Variants in PARP12 observed in about 807,000 individuals in gnomAD.
The protein encoded by PARP12 is poly(ADP-ribose) polymerase family member 12, also known as protein mono-ADP-ribosyltransferase PARP12.
A neutral mutation model predicts 72.4 loss-of-function variants in PARP12; 59 were observed. The ratio of observed to expected loss-of-function variants is 0.81; its 90% CI spans 0.66 to 1.01. The LOEUF (loss-of-function observed/expected upper bound fraction) is 1.01. Ranked by LOEUF, PARP12 falls within the 50% of genes least tolerant of loss-of-function variation. The pLI is 0.00. For synonymous variants in PARP12, 403 were observed against 371.4 expected (o/e 1.09, Z -0.98); for missense variants, 851 against 914.0 (o/e 0.93, Z 0.89).
At position 140,056,925 on chromosome 7, in the gene PARP12, G is replaced by T. The variant is rs1817207918; in HGVS notation, c.691C>A (p.His231Asn). The change falls in exon 3 of 12, where the codon CAT becomes AAT. Residue 231 changes from histidine to asparagine, a missense_variant. By Grantham distance (68) the His-to-Asn change is moderately conservative. Coordinates refer to ENST00000263549, the MANE Select transcript of PARP12 (RefSeq NM_022750.4). ...SRLPTIYRNAHDIKNKSSAPS... is the reference protein window; with the variant it reads ...SRLPTIYRNANDIKNKSSAPS... ...GCAGAGCTCTTATTCTTGATGTCATGTGCATTTCTATAAATGGTAGGCAGC... is the reference window on the plus strand; with the variant it reads ...GCAGAGCTCTTATTCTTGATGTCATTTGCATTTCTATAAATGGTAGGCAGC... 6.2e-7 allele frequency: 1 copy of T among 1,613,846 alleles called. No individual in the cohort carries two copies. The highest frequency in any genetic ancestry group is 8.5e-7 in the Non-Finnish European group (1 of 1,180,024).
In PARP12 at chr7:140,057,000, T is replaced by A. The variant is rs767387799; in HGVS notation, c.616A>T (p.Asn206Tyr). The part of the protein sequence containing the change: ...KRSHDFSNSE[N>Y]LEKLEKLGMS... ...CCCAACTTCTCCAATTTTTCCAGAT[T>A]CTCAGAATTAGAGAAATCATGGGAT... The change falls in exon 3 of 12, where the codon AAT becomes TAT. Residue 206 changes from asparagine to tyrosine, a missense_variant. Asn to Tyr is a moderately radical substitution (Grantham distance 143, BLOSUM62 -2). Coordinates refer to ENST00000263549, the MANE Select transcript of PARP12 (RefSeq NM_022750.4). 5 of 1,614,090 alleles carry A rather than the reference T, an allele frequency of 3.1e-6. No individual in the cohort carries two copies. The highest frequency in any genetic ancestry group is 4.2e-6 in the Non-Finnish European group (5 of 1,180,046).
At position 140,057,009 on chromosome 7, in the gene PARP12, T is replaced by C. The variant is rs1419548159; in HGVS notation, c.607A>G (p.Asn203Asp). The C allele has an allele frequency of 3.1e-6, 5 of 1,614,184 alleles. No homozygotes were observed. The South Asian group carries it at 4.4e-5, about 14-fold the overall frequency. The change falls in exon 3 of 12, where the codon AAT becomes GAT. Residue 203 changes from asparagine to aspartate, a missense_variant. By Grantham distance (23) the Asn-to-Asp change is conservative. Coordinates refer to ENST00000263549, the MANE Select transcript of PARP12 (RefSeq NM_022750.4). ...TCCAATTTTTCCAGATTCTCAGAATTAGAGAAATCATGGGATCTCTTACAG... is the reference window on the plus strand; with the variant it reads ...TCCAATTTTTCCAGATTCTCAGAATCAGAGAAATCATGGGATCTCTTACAG... ...TSCKRSHDFS[N>D]SENLEKLEKL...
intron 7 of PARP12, among the ~76,000 whole-genome samples, chr7:140,036,178 T>C (rs1016753947): frequency 1.3e-5 from 2 of 152,236 alleles, no homozygotes; most frequent in Non-Finnish European, 2.9e-5. Context: ...ATTATGAGGT[T>C]CTGTTATGTC....
chr7:140,027,440 T>A, intron 9 of PARP12, 34 bp from the exon 10 acceptor site: 1 of 1,609,992 alleles, frequency 6.2e-7, no homozygotes, highest in Non-Finnish European at 8.5e-7. Flanking sequence ...TGCATTACCA[T>A]CAACGTGCAG....
In PARP12 at chr7:140,062,865, C is replaced by T. The variant is rs2116698386; in HGVS notation, c.-18G>A. ...TGGGCCATGGCCGCTGGGCCTGCTC[C>T]CGTCGGACCGCGGGTGGCGCGACGC... is the stretch of plus-strand genomic sequence containing the variant. On this transcript the variant is annotated 5_prime_UTR_variant, in exon 1 of 12. Coordinates refer to ENST00000263549, the MANE Select transcript of PARP12 (RefSeq NM_022750.4). 1.6e-6 allele frequency: 2 copies of T among 1,270,294 alleles called. No homozygotes were observed. The highest frequency in any genetic ancestry group is 3.1e-5 in the African/African-American group (2 of 63,846). 78.7% of individuals were successfully genotyped at this position (1,270,294 alleles called of 1,614,324 possible).
At chr7:140,029,063 T>C (rs1289692000) in intron 8 of PARP12, 1 of 153,774 alleles carries the variant, frequency 6.5e-6, no homozygotes, top group African/African-American at 2.4e-5. Context: ...TGAGGTATAA[T>C]TGACATTTTA....
intron 2 of PARP12, 144 bp downstream of exon 2, chr7:140,057,755 T>C (rs1466261589): frequency 3.0e-5 from 36 of 1,198,814 alleles, no homozygotes; most frequent in Non-Finnish European, 4.1e-5. Context: ...CTGCTCCTTC[T>C]GCTCCACATT....
At chr7:140,048,642 CA>C (rs568183100) in intron 4 of PARP12, among the ~76,000 whole-genome samples, 7 of 152,184 alleles carry the variant, frequency 4.6e-5, no homozygotes, top group Non-Finnish European at 7.3e-5. Context: ...CACACATGCA[CA>C]TATTATTTCT....
intron 11 of PARP12, chr7:140,025,715 G>T (rs1223944002): frequency 3.2e-6 from 1 of 313,316 alleles, no homozygotes. Context: ...CTTGAATTTC[G>T]ATTTCCAAAG....
intron 5 of PARP12, among the ~76,000 whole-genome samples, chr7:140,044,442 G>A (rs773004853): frequency 6.6e-6 from 1 of 152,164 alleles, no homozygotes; most frequent in Non-Finnish European, 1.5e-5. Flanking sequence ...GGAGTGACGC[G>A]TCTACAAGCC....
rs1288920962 is a variant in PARP12 at position 140,037,778 on chromosome 7, C to G, written c.1261G>C (p.Asp421His). The G allele has an allele frequency of 6.2e-7, 1 of 1,614,218 alleles. No homozygotes were observed. The highest frequency in any genetic ancestry group is 1.1e-5 in the South Asian group (1 of 91,084). ...AACTTCAAGGTGGCTGCCTGGCCGT[C>G]AGACCCCGGTGTACAGTAGGCCAGG... ...AYLAYCTPGS[D>H]GQAATLKFQA... The change falls in exon 7 of 12, where the codon GAC becomes CAC. Residue 421 changes from aspartate (D) to histidine (H), a missense_variant. Physicochemically the swap from Asp to His is moderately conservative, Grantham distance 81. This residue lies in a region of PARP12 where 347 missense variants were observed against 396.1 expected (regional missense o/e 0.88). Coordinates refer to ENST00000263549, the MANE Select transcript of PARP12 (RefSeq NM_022750.4).
intron 2 of PARP12, 118 bp from the exon 3 acceptor site, chr7:140,057,271 A>T: frequency 2.1e-6 from 2 of 961,782 alleles, no homozygotes; most frequent in Admixed American, 4.7e-5. Context: ...CATCATCCAC[A>T]CAGAACACAG....
chr7:140,058,303 A>G (rs1485275573), intron 1 of PARP12, among the ~76,000 whole-genome samples: 1 of 152,120 alleles, frequency 6.6e-6, no homozygotes, highest in Admixed American at 6.5e-5. Context: ...CGAGGTCAGG[A>G]GATTGAGACC....
At position 140,057,054 on chromosome 7, in the gene PARP12, C is replaced by G. The variant is rs778189201; in HGVS notation, c.562G>C (p.Glu188Gln). ...LHICQYFLQG[E>Q]CKFGTSCKRS... is the part of the protein sequence containing the mutation. The stretch of plus-strand genomic sequence containing the variant: ...TTACAGCTAGTGCCAAACTTGCATT[C>G]CCCCTGTAAAAAATACTGGCAGATA... Residue 188 changes from glutamate to glutamine, a missense_variant, in exon 3 of 12, where the codon GAA becomes CAA. Coordinates refer to ENST00000263549, the MANE Select transcript of PARP12 (RefSeq NM_022750.4). 6.2e-7 allele frequency: 1 copy of G among 1,614,202 alleles called. No homozygotes were observed. The highest frequency in any genetic ancestry group is 1.1e-5 in the South Asian group (1 of 91,084).
At chr7:140,062,332 A>C (rs1817492811) in intron 1 of PARP12, among the ~76,000 whole-genome samples, 190 bp downstream of exon 1, 1 of 152,068 alleles carries the variant, frequency 6.6e-6, no homozygotes, top group African/African-American at 2.4e-5. Context: ...CTCGACCCTG[A>C]GTCCCTCGCA....
chr7:140,056,799 C>A lies in PARP12; in HGVS notation c.760+57G>T, dbSNP rs1016643238. On this transcript the variant is annotated intron_variant, in intron 3 of 11. Coordinates refer to ENST00000263549, the MANE Select transcript of PARP12 (RefSeq NM_022750.4). ...AATGGCTAGCTGGAATCCGGGAACC[C>A]CCAGCCCAGGACCTCCCGTGCTCCC... The A allele has an allele frequency of 7.4e-6, 11 of 1,492,358 alleles. No homozygotes were observed. The East Asian group carries it at 2.5e-4, about 34-fold the overall frequency. The allele number at this position is 1,492,358 out of a possible 1,614,324, so 92.4% of individuals were successfully genotyped here. A position where few individuals can be genotyped will look rare whatever the true frequency, so the allele number is the denominator to read the frequency against.
chr7:140,031,093 T>C (rs1161587133), intron 8 of PARP12, among the ~76,000 whole-genome samples: 1 of 152,228 alleles, frequency 6.6e-6, no homozygotes, highest in Admixed American at 6.5e-5. Context: ...GTTTCTACCA[T>C]AGCCTTTAAA....
chr7:140,026,410 C>T (rs35800333), intron 10 of PARP12, 62 bp from the exon 11 acceptor site: 1 of 1,553,646 alleles, frequency 6.4e-7, no homozygotes, highest in Non-Finnish European at 8.6e-7. Flanking sequence ...TACAGCCGGC[C>T]TGATGCAAAA....
Position 140,062,855 on chromosome 7 carries a change from G to T in PARP12, c.-8C>A. 1 of 1,303,814 alleles carries T rather than the reference G, an allele frequency of 7.7e-7. No homozygotes were observed. Among genetic ancestry groups the T allele is most frequent in the South Asian group, 2.1e-5 (1 of 47,448 alleles). 80.8% of individuals were successfully genotyped at this position (1,303,814 alleles called of 1,614,324 possible). ...GACGCCGGCCTGGGCCATGGCCGCT[G>T]GGCCTGCTCCCGTCGGACCGCGGGT... is the stretch of plus-strand genomic sequence containing the variant. On this transcript the variant is annotated 5_prime_UTR_variant, in exon 1 of 12. Coordinates refer to ENST00000263549, the MANE Select transcript of PARP12 (RefSeq NM_022750.4).
Sources: allele counts gnomAD v4.1 joint callset (sites outside exome capture counted in the v4.1 genomes callset), GRCh38; gene constraint gnomAD v4.1.1; regional missense constraint gnomAD v4.1.1; transcripts MANE v1.5; gene names NCBI Gene and HGNC (gene_info 2026-07-23, HGNC 2026-07-21).